Variants in CTPS2 observed in about 807,000 individuals in gnomAD.
CTPS2 encodes the protein CTP synthase II.
A neutral mutation model predicts 46.8 loss-of-function variants in CTPS2; 19 were observed. That is an observed-to-expected ratio of 0.41 (90% CI 0.28 to 0.60). The LOEUF (loss-of-function observed/expected upper bound fraction) is 0.60. Among genes scored for constraint, CTPS2 ranks in the 20% least tolerant of loss-of-function variants. CTPS2 has a pLI of 0.35. For synonymous variants in CTPS2, 151 were observed against 165.2 expected (o/e 0.91, Z 0.66); for missense variants, 286 against 447.6 (o/e 0.64, Z 3.26).
chrX:16,695,211 C>A (rs1924025712), intron 4 of CTPS2, among the ~76,000 whole-genome samples: 1 of 111,609 alleles, frequency 9.0e-6, no homozygotes, highest in East Asian at 2.8e-4. Context: ...TGGGGATTCT[C>A]TGGGGGGTCA....
chrX:16,599,442 A>G (rs1394796778), intron 17 of CTPS2, among the ~76,000 whole-genome samples: 2 of 108,467 alleles, frequency 1.8e-5, no homozygotes, highest in Admixed American at 9.9e-5. Context: ...AATGGTCAAC[A>G]TGTAGTTCTT....
chrX:16,626,238 T>C (rs1040566405), intron 14 of CTPS2, among the ~76,000 whole-genome samples: 1 of 110,854 alleles, frequency 9.0e-6, no homozygotes, highest in Non-Finnish European at 1.9e-5. Flanking sequence ...AAAAATTAGC[T>C]GGGCGTGGTG....
chrX:16,611,217 A>T, intron 16 of CTPS2, among the ~76,000 whole-genome samples: 1 of 112,021 alleles, frequency 8.9e-6, no homozygotes, highest in Non-Finnish European at 1.9e-5. Context: ...CTGGGAGGCC[A>T]AGGTGGGCAG....
At chrX:16,645,140 G>A (rs1264595928) in intron 13 of CTPS2, among the ~76,000 whole-genome samples, 1 of 108,983 alleles carries the variant, frequency 9.2e-6, no homozygotes, top group Non-Finnish European at 1.9e-5. Context: ...CCGCCACCAT[G>A]CCCGGCTAAC....
intron 1 of CTPS2, among the ~76,000 whole-genome samples, chrX:16,710,553 T>TAA (rs1478035098): frequency 2.7e-5 from 3 of 112,577 alleles, no homozygotes; most frequent in Non-Finnish European, 5.6e-5. Flanking sequence ...GCACCTTGGA[T>TAA]ATTTTAGAGA....
chrX:16,593,428 CAA>C (rs5901587), intron 17 of CTPS2, among the ~76,000 whole-genome samples: 5 of 29,875 alleles, frequency 1.7e-4, no homozygotes, highest in Non-Finnish European at 1.9e-4. Context: ...GACTCTGTCT[CAA>C]AAAAAAAAAA....
intron 14 of CTPS2, 158 bp downstream of exon 14, chrX:16,638,987 AGG>A (rs1931907147): frequency 1.8e-6 from 1 of 546,883 alleles, no homozygotes; most frequent in South Asian, 2.5e-5. Flanking sequence ...CCCAGAGCAG[AGG>A]GTCAGTGAGG....
chrX:16,661,183 C>T (rs1569217109), intron 13 of CTPS2, among the ~76,000 whole-genome samples: 1 of 111,322 alleles, frequency 9.0e-6, no homozygotes, highest in East Asian at 2.8e-4. Context: ...TGGTCTCAAA[C>T]TCCTGACCTC....
chrX:16,644,977 G>GTGTTTTT (rs1399828261), intron 13 of CTPS2, among the ~76,000 whole-genome samples: 2 of 111,604 alleles, frequency 1.8e-5, no homozygotes, highest in South Asian at 3.7e-4. Flanking sequence ...GAATCTCTCA[G>GTGTTTTT]TGTTTTTTGT....
At chrX:16,647,602 G>A (rs1325687799) in intron 13 of CTPS2, among the ~76,000 whole-genome samples, 1 of 110,238 alleles carries the variant, frequency 9.1e-6, no homozygotes. Context: ...GTTGTCCCTT[G>A]AAAGAAGAGA....
At chrX:16,626,965 T>A (rs770050668) in intron 14 of CTPS2, 21 of 113,933 alleles carry the variant, frequency 1.8e-4, no homozygotes, top group African/African-American at 6.2e-4. Context: ...CGGTGCCATA[T>A]CTCCTATTTC....
intron 14 of CTPS2, among the ~76,000 whole-genome samples, chrX:16,627,885 T>G (rs1256796458): frequency 2.7e-5 from 3 of 111,691 alleles, no homozygotes; most frequent in Non-Finnish European, 3.8e-5. Flanking sequence ...TGGGAGCTGT[T>G]TGGGTTTTTC....
intron 10 of CTPS2, among the ~76,000 whole-genome samples, chrX:16,676,990 C>T (rs917880301): frequency 3.0e-4 from 30 of 101,420 alleles, no homozygotes; most frequent in African/African-American, 1.1e-3. Flanking sequence ...ACCTGGGAGG[C>T]GGAGGTTGCA....
At chrX:16,674,825 G>GAT (rs1922125707) in intron 10 of CTPS2, among the ~76,000 whole-genome samples, 3 of 102,084 alleles carry the variant, frequency 2.9e-5, no homozygotes, top group Non-Finnish European at 5.9e-5. Flanking sequence ...GCAACAAGGC[G>GAT]AGACTCCGTC....
intron 16 of CTPS2, among the ~76,000 whole-genome samples, chrX:16,611,320 G>A (rs775804468): frequency 1.7e-4 from 19 of 110,184 alleles, no homozygotes; most frequent in Middle Eastern, 4.8e-3. Context: ...GCGTGGTGGC[G>A]TGCACCTGTG....
intron 16 of CTPS2, 151 bp from the exon 17 acceptor site, chrX:16,609,836 C>A (rs1930175784): frequency 5.2e-6 from 3 of 576,802 alleles, no homozygotes; most frequent in South Asian, 5.1e-5. Flanking sequence ...ACTATCCATC[C>A]ATTCCTTCGT....
chrX:16,639,058 G>T lies in CTPS2; in HGVS notation c.1393+89C>A. The T allele has an allele frequency of 7.3e-6, 5 of 685,541 alleles. No homozygotes were observed. In the South Asian group the frequency reaches 1.1e-4, roughly 15 times the overall value. 56.5% of individuals were successfully genotyped at this position (685,541 alleles called of 1,213,427 possible). On this transcript the variant is annotated intron_variant, in intron 14 of 18. Transcript: ENST00000359276. ...CTCCGAGGATGCTGGAAGGGGCAGG[G>T]GGAGTCTCCACCACCCAGAGTGCTG... is the stretch of plus-strand genomic sequence containing the variant.
chrX:16,697,787 G>A (rs965628443), intron 4 of CTPS2, among the ~76,000 whole-genome samples: 17 of 111,411 alleles, frequency 1.5e-4, no homozygotes, highest in African/African-American at 5.5e-4. Context: ...ACTTATCACC[G>A]CTACCATCTG....
chrX:16,612,136 A>C (rs1390484133), intron 16 of CTPS2, among the ~76,000 whole-genome samples: 1 of 112,238 alleles, frequency 8.9e-6, no homozygotes, highest in Non-Finnish European at 1.9e-5. Context: ...GAAAGTAAAA[A>C]GTTTTTATTT....
Sources: allele counts gnomAD v4.1 joint callset (sites outside exome capture counted in the v4.1 genomes callset), GRCh38; gene constraint gnomAD v4.1.1; transcripts MANE v1.5; gene names NCBI Gene and HGNC (gene_info 2026-07-23, HGNC 2026-07-21).